The following CHN1 variants were observed in gnomAD, a reference collection of about 807,000 sequenced individuals.
CHN1 encodes chimerin 1.
In CHN1, 37 loss-of-function variants were observed where a neutral mutation model predicts 59.5. The observed-to-expected ratio is 0.62, with a 90% CI of 0.48 to 0.82. CHN1 has a LOEUF of 0.82. Among genes scored for constraint, CHN1 ranks in the 40% least tolerant of loss-of-function variants. The pLI, the probability that CHN1 is intolerant of heterozygous loss-of-function variation, is 0.00. For synonymous variants in CHN1, 206 were observed against 200.4 expected (o/e 1.03, Z -0.24); for missense variants, 469 against 571.0 (o/e 0.82, Z 1.82).
intron 5 of CHN1, among the ~76,000 whole-genome samples, chr2:174,905,415 CA>C (rs1294862311): frequency 6.6e-6 from 1 of 152,098 alleles, no homozygotes; most frequent in Non-Finnish European, 1.5e-5. Flanking sequence ...CTTAAAAATA[CA>C]AAAGCCAAAA....
At chr2:174,979,309 A>G (rs1691058668) in intron 1 of CHN1, among the ~76,000 whole-genome samples, 1 of 152,218 alleles carries the variant, frequency 6.6e-6, no homozygotes, top group Non-Finnish European at 1.5e-5. Flanking sequence ...TTTTACATAG[A>G]ATAATTATTC....
chr2:174,804,119 T>C (rs1045694948), intron 11 of CHN1, among the ~76,000 whole-genome samples: 2 of 152,100 alleles, frequency 1.3e-5, no homozygotes, highest in African/African-American at 2.4e-5. Context: ...AGCATAAGCA[T>C]TGGAAGTGTT....
chr2:174,927,644 CA>C (rs537527776), intron 3 of CHN1, among the ~76,000 whole-genome samples: 9 of 150,894 alleles, frequency 6.0e-5, no homozygotes, highest in Non-Finnish European at 3.0e-5. Flanking sequence ...GACAGTAGTC[CA>C]AAAAAAACCA....
Position 174,847,562 on chromosome 2 carries a change from T to C in CHN1, c.550-605A>G, listed in dbSNP as rs1018671672. 8 of 1,266,288 alleles carry C rather than the reference T, an allele frequency of 6.3e-6. No homozygotes were observed. The African/African-American group carries it at 1.2e-4, about 20-fold the overall frequency. The allele number at this position is 1,266,288 out of a possible 1,614,324, so 78.4% of individuals were successfully genotyped here. The stretch of plus-strand genomic sequence containing the variant: ...ATGCCTACATACTGCCTGCAATCAG[T>C]TTCTAGCAACAGACACCCTATGAAG... On this transcript the variant is annotated intron_variant, in intron 6 of 12. Transcript: ENST00000409900.
intron 3 of CHN1, among the ~76,000 whole-genome samples, chr2:174,934,010 G>A (rs1689427349): frequency 6.6e-6 from 1 of 152,168 alleles, no homozygotes; most frequent in Admixed American, 6.5e-5. Context: ...TATCAGAACA[G>A]TGGTCCCCAA....
At chr2:174,928,423 ACT>A (rs1252181584) in intron 3 of CHN1, among the ~76,000 whole-genome samples, 1 of 152,230 alleles carries the variant, frequency 6.6e-6, no homozygotes, top group Non-Finnish European at 1.5e-5. Flanking sequence ...GAAAATCATG[ACT>A]CATACAGATA....
chr2:174,950,655 A>C (rs1689997139), intron 2 of CHN1, among the ~76,000 whole-genome samples: 1 of 152,226 alleles, frequency 6.6e-6, no homozygotes, highest in Non-Finnish European at 1.5e-5. Context: ...TCATGGAGGA[A>C]AAGATCACTA....
At chr2:174,952,343 G>GTT (rs145037630) in intron 1 of CHN1, 141 bp from the exon 2 acceptor site, 4,488 of 445,610 alleles carry the variant, frequency 0.01, 22 homozygotes, top group Non-Finnish European at 0.014. Flanking sequence ...GCATTCAAGG[G>GTT]TTTTTTTTTA....
intron 1 of CHN1, among the ~76,000 whole-genome samples, chr2:174,958,685 T>C (rs1690298424): frequency 6.6e-6 from 1 of 152,230 alleles, no homozygotes; most frequent in African/African-American, 2.4e-5. Context: ...AATCTATTTA[T>C]TTATAAAATG....
intron 8 of CHN1, among the ~76,000 whole-genome samples, chr2:174,820,830 A>G (rs1355666847): frequency 1.3e-5 from 2 of 152,128 alleles, no homozygotes; most frequent in Non-Finnish European, 2.9e-5. Flanking sequence ...ATACCTTTAC[A>G]TGATGTTTAA....
chr2:174,829,184 A>T (rs1685788713), intron 7 of CHN1, among the ~76,000 whole-genome samples: 1 of 152,236 alleles, frequency 6.6e-6, no homozygotes, highest in South Asian at 2.1e-4. Flanking sequence ...TAACCTGTGA[A>T]CAACTCCTTT....
intron 11 of CHN1, among the ~76,000 whole-genome samples, chr2:174,804,906 A>G (rs1684840517): frequency 6.6e-6 from 1 of 152,236 alleles, no homozygotes; most frequent in African/African-American, 2.4e-5. Flanking sequence ...ACAAATGACA[A>G]AATGCACTGA....
intron 7 of CHN1, among the ~76,000 whole-genome samples, chr2:174,838,179 C>G (rs1214687186): frequency 6.6e-6 from 1 of 152,068 alleles, no homozygotes; most frequent in Non-Finnish European, 1.5e-5. Flanking sequence ...TTGCAACCTC[C>G]GCCTCCCAGG....
chr2:174,969,948 A>G (rs1690709839), intron 1 of CHN1, among the ~76,000 whole-genome samples: 1 of 152,130 alleles, frequency 6.6e-6, no homozygotes. Context: ...TAATCTTAAG[A>G]AGGATTTTGC....
Position 174,918,404 on chromosome 2 carries a change from A to AT in CHN1, c.146+129dup, listed in dbSNP as rs1688912097. On this transcript the variant is annotated intron_variant, in intron 4 of 12. Transcript: ENST00000409900. ...GTTCACCAATTAGATCACATTTGAA[A>AT]TTTTTAAGAAATAAATGCAACTCCA... 3 of 607,290 alleles carry AT rather than the reference A, an allele frequency of 4.9e-6. No homozygotes were observed. The East Asian group carries it at 9.8e-5, about 20-fold the overall frequency. 37.6% of individuals were successfully genotyped at this position (607,290 alleles called of 1,614,324 possible).
chr2:174,963,547 C>T (rs1457710885), intron 1 of CHN1, among the ~76,000 whole-genome samples: 4 of 152,162 alleles, frequency 2.6e-5, no homozygotes, highest in Admixed American at 1.3e-4. Flanking sequence ...GTTTGAGGAA[C>T]TGCAAACAAT....
intron 7 of CHN1, among the ~76,000 whole-genome samples, chr2:174,839,761 G>A (rs534255174): frequency 2.6e-5 from 4 of 151,984 alleles, no homozygotes; most frequent in East Asian, 1.9e-4. Flanking sequence ...GTGCCACCAC[G>A]CCCAGCTAAG....
intron 7 of CHN1, among the ~76,000 whole-genome samples, chr2:174,827,084 AAAACTCACTTGAATTTT>A (rs1002722468): frequency 6.6e-6 from 1 of 152,166 alleles, no homozygotes; most frequent in Non-Finnish European, 1.5e-5. Flanking sequence ...TTTTATATCT[AAAACTCACTTGAATTTT>A]TATATCTAAA....
chr2:174,867,155 G>A (rs1198565401), intron 6 of CHN1, among the ~76,000 whole-genome samples: 1 of 151,116 alleles, frequency 6.6e-6, no homozygotes, highest in East Asian at 1.9e-4. Context: ...AGGCGGATCA[G>A]TTGAACTCAG....
Sources: gnomAD v4.1 joint callset for allele counts (sites outside exome capture counted in the v4.1 genomes callset) on GRCh38, gnomAD v4.1.1 for gene constraint, MANE v1.5 for transcripts, NCBI Gene and HGNC (gene_info 2026-07-23, HGNC 2026-07-21) for gene names.